Variants in CCDC172 observed in about 807,000 individuals in gnomAD.
CCDC172 encodes the protein coiled-coil domain-containing protein 172.
Under a neutral mutation model 38.0 loss-of-function variants are expected in CCDC172, and 30 were observed. The ratio of observed to expected loss-of-function variants is 0.79; its 90% CI spans 0.59 to 1.07. CCDC172 has a LOEUF of 1.07. Ranked by LOEUF, CCDC172 falls within the 50% of genes least tolerant of loss-of-function variation. The probability of loss-of-function intolerance (pLI) is 0.00; values close to 1 mark genes in which losing one functional copy is unlikely to be tolerated. For synonymous variants in CCDC172, 78 were observed against 88.3 expected, an observed-to-expected ratio of 0.88 and a Z score of 0.66; for missense variants, 297 against 290.1, an observed-to-expected ratio of 1.02 and a Z score of -0.17.
Position 116,370,356 on chromosome 10 carries a change from G to A in CCDC172, c.654-8067G>A, listed in dbSNP as rs189933444. Among the ~76,000 whole-genome samples the A allele has an allele frequency of 7.9e-5, 12 of 151,808 alleles. No individual in the cohort carries two copies. In the East Asian group the frequency reaches 1.9e-3, roughly 24 times the overall value. ...TACATTTAAATCTTTGATCCATTTC[G>A]AGGGTATTCTTGTATATGCTGTATA... is the stretch of plus-strand genomic sequence containing the variant. On this transcript the variant is annotated intron_variant, in intron 7 of 8. Transcript: ENST00000333254.
chr10:116,357,969 A>T, intron 7 of CCDC172, 31 bp downstream of exon 7: 1 of 1,211,850 alleles, frequency 8.3e-7, no homozygotes, highest in Non-Finnish European at 1.2e-6. Flanking sequence ...TTTGGCCTAA[A>T]TCAGGTAATT....
At chr10:116,372,470 G>A (rs181271602) in intron 7 of CCDC172, among the ~76,000 whole-genome samples, 117 of 152,088 alleles carry the variant, frequency 7.7e-4, no homozygotes, top group African/African-American at 2.3e-3. Flanking sequence ...CAGTGCCTGC[G>A]TTCCAGCCCC....
chr10:116,335,818 C>T (rs1894788), intron 3 of CCDC172, among the ~76,000 whole-genome samples: 37,877 of 152,010 alleles, frequency 0.25, 4,886 homozygotes, highest in South Asian at 0.4. Flanking sequence ...AGCTTCTTTA[C>T]TAAACCCTTT....
At chr10:116,327,268 C>G (rs1844603788) in intron 3 of CCDC172, among the ~76,000 whole-genome samples, 1 of 152,048 alleles carries the variant, frequency 6.6e-6, no homozygotes, top group African/African-American at 2.4e-5. Flanking sequence ...TTTATTAAAG[C>G]AGATTTCTTA....
chr10:116,356,278 C>T (rs903758989), intron 5 of CCDC172, among the ~76,000 whole-genome samples: 3 of 150,400 alleles, frequency 2.0e-5, no homozygotes, highest in African/African-American at 4.9e-5. Context: ...TGCAGTGAGC[C>T]GAGATGGCGC....
intron 7 of CCDC172, 45 bp downstream of exon 7, chr10:116,357,983 C>G (rs1014432403): frequency 2.0e-6 from 2 of 1,001,942 alleles, no homozygotes; most frequent in South Asian, 1.4e-5. Flanking sequence ...GGTAATTTTT[C>G]AAGTTAAATA....
intron 5 of CCDC172, among the ~76,000 whole-genome samples, chr10:116,347,793 C>A (rs1160474347): frequency 6.6e-6 from 1 of 152,114 alleles, no homozygotes; most frequent in Non-Finnish European, 1.5e-5. Flanking sequence ...GAAGCTGATA[C>A]AACTTGATTT....
chr10:116,336,372 T>C (rs931520100), intron 3 of CCDC172, among the ~76,000 whole-genome samples: 9 of 97,712 alleles, frequency 9.2e-5, no homozygotes, highest in Admixed American at 1.2e-4. Flanking sequence ...ATAGGAGAGA[T>C]GGCTGGAGAG....
intron 7 of CCDC172, among the ~76,000 whole-genome samples, chr10:116,361,549 G>A (rs1028094978): frequency 6.6e-6 from 1 of 152,152 alleles, no homozygotes; most frequent in Admixed American, 6.5e-5. Context: ...CTTAAAGATG[G>A]TGTGGCTTTG....
Position 116,357,422 on chromosome 10 carries a change from T to G in CCDC172, c.491T>G (p.Leu164Arg). Residue 164 changes from leucine to arginine, a missense_variant, in exon 6 of 9, where the codon CTT becomes CGT. Physicochemically the swap from Leu to Arg is moderately radical, Grantham distance 102. Transcript: ENST00000333254. The stretch of plus-strand genomic sequence containing the variant: ...CATGATAGTAGCCAGTTAAATGAAC[T>G]TCAAAAACAAAAGAGTGAATTGATA... ...MEHDSSQLNE[L>R]QKQKSELIQE... 1 of 1,584,376 alleles carries G rather than the reference T, an allele frequency of 6.3e-7. No individual in the cohort carries two copies. The highest frequency in any genetic ancestry group is 2.3e-5 in the East Asian group (1 of 43,002).
At chr10:116,368,955 C>A (rs932420110) in intron 7 of CCDC172, among the ~76,000 whole-genome samples, 2 of 151,648 alleles carry the variant, frequency 1.3e-5, no homozygotes, top group Admixed American at 6.6e-5. Context: ...CTAAATCCTA[C>A]AAATATCACA....
chr10:116,361,564 A>C (rs1028172577), intron 7 of CCDC172, among the ~76,000 whole-genome samples: 1 of 152,218 alleles, frequency 6.6e-6, no homozygotes, highest in African/African-American at 2.4e-5. Context: ...GCTTTGTTTC[A>C]TCACCACAAG....
At chr10:116,329,808 C>CT (rs751743642) in intron 3 of CCDC172, among the ~76,000 whole-genome samples, 3 of 152,034 alleles carry the variant, frequency 2.0e-5, no homozygotes, top group Non-Finnish European at 2.9e-5. Flanking sequence ...TTCTTCACTG[C>CT]CATGCACTCT....
rs1175523631 is a variant in CCDC172 at position 116,376,542 on chromosome 10, CA to C, written c.654-1880del. Among the ~76,000 whole-genome samples, 3 of 152,172 alleles carry C rather than the reference CA, an allele frequency of 2.0e-5. No homozygotes were observed. The East Asian group carries it at 5.8e-4, about 29-fold the overall frequency. Reference sequence around the variant, plus strand: ...CTTTTACTATTTTCCACATTAAATACAGGTATAAAATAATTTTTAAAAAATT... The same window carrying C: ...CTTTTACTATTTTCCACATTAAATACGGTATAAAATAATTTTTAAAAAATT... On this transcript the variant is annotated intron_variant, in intron 7 of 8. Coordinates refer to ENST00000333254, the MANE Select transcript of CCDC172 (RefSeq NM_198515.3).
intron 7 of CCDC172, among the ~76,000 whole-genome samples, chr10:116,358,952 A>G (rs1406431087): frequency 6.6e-6 from 1 of 152,238 alleles, no homozygotes; most frequent in Non-Finnish European, 1.5e-5. Flanking sequence ...TTAAAATTAA[A>G]CACACAAAGT....
At position 116,340,932 on chromosome 10, in the gene CCDC172, A is replaced by C. The variant is rs538977082; in HGVS notation, c.282+82A>C. ...AATATACTTAAGTATACTTTTAGAAAATTATCCATGTGCATATTAGCAGGT... is the reference window on the plus strand; with the variant it reads ...AATATACTTAAGTATACTTTTAGAACATTATCCATGTGCATATTAGCAGGT... On this transcript the variant is annotated intron_variant, in intron 4 of 8. Transcript: ENST00000333254. The C allele has an allele frequency of 4.5e-5, 37 of 828,852 alleles. No individual in the cohort carries two copies. The East Asian group carries it at 9.0e-4, about 20-fold the overall frequency. 51.3% of individuals were successfully genotyped at this position (828,852 alleles called of 1,614,324 possible). A position where few individuals can be genotyped will look rare whatever the true frequency, so the allele number is the denominator to read the frequency against.
chr10:116,357,359 T>C (rs1845011351), intron 5 of CCDC172, 21 bp from the exon 6 acceptor site: 1 of 1,447,150 alleles, frequency 6.9e-7, no homozygotes, highest in African/African-American at 1.5e-5. Flanking sequence ...TTATTTTTGA[T>C]GCTTTTGTAT....
At chr10:116,350,744 C>T (rs1454160986) in intron 5 of CCDC172, among the ~76,000 whole-genome samples, 1 of 152,114 alleles carries the variant, frequency 6.6e-6, no homozygotes, top group Non-Finnish European at 1.5e-5. Context: ...GAAGACAATT[C>T]ACATGTTAAA....
chr10:116,354,717 G>A (rs192833982), intron 5 of CCDC172, among the ~76,000 whole-genome samples: 1 of 152,178 alleles, frequency 6.6e-6, no homozygotes. Flanking sequence ...GTGACAGAGC[G>A]AGACTCTGTC....
Sources: allele counts gnomAD v4.1 joint callset (sites outside exome capture counted in the v4.1 genomes callset), GRCh38; gene constraint gnomAD v4.1.1; transcripts MANE v1.5; gene names NCBI Gene and HGNC (gene_info 2026-07-23, HGNC 2026-07-21).